Variants in FAM117A observed in about 807,000 individuals in gnomAD.
FAM117A encodes protein FAM117A.
In FAM117A, 21 loss-of-function variants were observed where a neutral mutation model predicts 44.1. The ratio of observed to expected loss-of-function variants is 0.48; its 90% CI spans 0.34 to 0.69. FAM117A has a LOEUF of 0.69. FAM117A is among the 30% of genes least tolerant of loss of function. The pLI is 0.01. For synonymous variants in FAM117A, 220 were observed against 238.3 expected, an observed-to-expected ratio of 0.92 and a Z score of 0.71; for missense variants, 498 against 589.9, an observed-to-expected ratio of 0.84 and a Z score of 1.61.
At chr17:49,760,782 G>A (rs543863226) in intron 1 of FAM117A, among the ~76,000 whole-genome samples, 83 of 152,310 alleles carry the variant, frequency 5.4e-4, no homozygotes, top group African/African-American at 1.9e-3. Flanking sequence ...CATGGTCCTG[G>A]AAGAGTATAA....
At chr17:49,788,812 C>A (rs187579044), upstream of FAM117A, 49 of 1,580,668 alleles carry the variant, frequency 3.1e-5, no homozygotes, top group Non-Finnish European at 4.1e-5. Context: ...CGAATCGGAA[C>A]CGTCGGGCCG....
At chr17:49,764,207 T>C (rs538287929), upstream of FAM117A, 23 of 483,472 alleles carry the variant, frequency 4.8e-5, no homozygotes, top group South Asian at 1.5e-3. Flanking sequence ...AGAGCTGTCA[T>C]TGGACTGCGG....
At position 49,735,495 on chromosome 17, in the gene FAM117A, G is replaced by A. The variant is rs139027709; in HGVS notation, c.197-2775C>T. Among the ~76,000 whole-genome samples, 143 of 152,162 alleles carry A rather than the reference G, an allele frequency of 9.4e-4. 1 individual carries two copies. Among genetic ancestry groups the A allele is most frequent in the African/African-American group, 3.3e-3 (137 of 41,536 alleles). On this transcript the variant is annotated intron_variant, in intron 1 of 7. Transcript: ENST00000240364. ...ATCAGTAGGAAATATGCTATATTAT[G>A]TTCTGCTTGGTTCCACCTATTTCAT... is the stretch of plus-strand genomic sequence containing the variant.
chr17:49,785,427 G>A (rs540151295), intron 1 of FAM117A, among the ~76,000 whole-genome samples: 1 of 152,244 alleles, frequency 6.6e-6, no homozygotes, highest in East Asian at 1.9e-4. Context: ...TGGGAGGATC[G>A]CTTGGCCCAG....
intron 1 of FAM117A, among the ~76,000 whole-genome samples, chr17:49,769,735 A>T (rs1032964955): frequency 6.6e-6 from 1 of 151,266 alleles, no homozygotes; most frequent in African/African-American, 2.4e-5. Context: ...AATAAATAAT[A>T]AATAAAACTC....
intron 1 of FAM117A, among the ~76,000 whole-genome samples, chr17:49,778,289 T>C (rs542502051): frequency 9.1e-4 from 138 of 152,334 alleles, no homozygotes; most frequent in African/African-American, 3.3e-3. Flanking sequence ...TGAGTCCCTA[T>C]TAAGTGCCAG....
upstream of FAM117A, among the ~76,000 whole-genome samples, chr17:49,766,507 T>G (rs2073746281): frequency 6.6e-6 from 1 of 152,242 alleles, no homozygotes; most frequent in Admixed American, 6.5e-5. Context: ...CTTGGTCTTT[T>G]GACTCCAGAT....
rs368699234 is a variant in FAM117A at position 49,711,362 on chromosome 17, G to T, written c.1255C>A (p.Arg419=). ...GCCTTGGAGGCTTCCGGATCCTTCC[G>T]AGGTGGTGGCCTGGGGCTGGCCGGG... ...LPPASPRPPP[R]KDPEASKASP... is the part of the protein sequence containing the mutation. The change falls in exon 8 of 8, where the codon CGG becomes AGG. Residue 419 remains arginine (R), a synonymous_variant. Coordinates refer to ENST00000240364, the MANE Select transcript of FAM117A (RefSeq NM_030802.4). 1 of 1,610,810 alleles carries T rather than the reference G, an allele frequency of 6.2e-7. No homozygotes were observed.
intron 1 of FAM117A, among the ~76,000 whole-genome samples, chr17:49,734,245 A>G (rs1175526434): frequency 6.6e-6 from 1 of 152,114 alleles, no homozygotes; most frequent in African/African-American, 2.4e-5. Context: ...TATTTAGCAC[A>G]GCAAAAAGAA....
intron 1 of FAM117A, among the ~76,000 whole-genome samples, chr17:49,775,105 C>T (rs978450816): frequency 2.6e-5 from 4 of 152,164 alleles, no homozygotes; most frequent in African/African-American, 9.7e-5. Context: ...TCTCCTGCCT[C>T]AGCTCCTGAG....
At chr17:49,717,903 C>T (rs1010370664) in intron 5 of FAM117A, 189 bp from the exon 6 acceptor site, 2 of 535,030 alleles carry the variant, frequency 3.7e-6, no homozygotes, top group Non-Finnish European at 3.3e-6. Flanking sequence ...CCTCCTGTTT[C>T]TTCCATAGCA....
At chr17:49,776,896 A>T (rs1427426539) in intron 1 of FAM117A, among the ~76,000 whole-genome samples, 8 of 152,218 alleles carry the variant, frequency 5.3e-5, no homozygotes, top group Non-Finnish European at 1.0e-4. Context: ...GTAAGAATCC[A>T]TGCAGGACCA....
chr17:49,783,129 A>G (rs2073794781), intron 1 of FAM117A, among the ~76,000 whole-genome samples: 1 of 152,220 alleles, frequency 6.6e-6, no homozygotes, highest in Non-Finnish European at 1.5e-5. Context: ...AACCCAGGAG[A>G]GACAGTCTGT....
upstream of FAM117A, among the ~76,000 whole-genome samples, chr17:49,767,007 G>A (rs2073747565): frequency 6.6e-6 from 1 of 152,204 alleles, no homozygotes; most frequent in Non-Finnish European, 1.5e-5. Flanking sequence ...AGTCCAGAAA[G>A]TCATGGTCTT....
intron 1 of FAM117A, among the ~76,000 whole-genome samples, chr17:49,777,210 G>A (rs2073777737): frequency 1.3e-5 from 2 of 152,184 alleles, no homozygotes. Flanking sequence ...CAGGGTAGGG[G>A]TGGGGGAATA....
At chr17:49,749,470 G>A (rs1355432688) in intron 1 of FAM117A, among the ~76,000 whole-genome samples, 1 of 149,116 alleles carries the variant, frequency 6.7e-6, no homozygotes, top group Non-Finnish European at 1.5e-5. Flanking sequence ...CCAGCTACTC[G>A]AGAGGCTGAG....
At chr17:49,787,350 A>C (rs1225687985) in intron 1 of FAM117A, among the ~76,000 whole-genome samples, 2 of 152,204 alleles carry the variant, frequency 1.3e-5, no homozygotes, top group Non-Finnish European at 2.9e-5. Context: ...GTTCAACCTA[A>C]GTAGGTTATC....
At chr17:49,719,692 C>T in intron 5 of FAM117A, 68 bp downstream of exon 5, 3 of 1,474,220 alleles carry the variant, frequency 2.0e-6, no homozygotes, top group Middle Eastern at 2.2e-4. Flanking sequence ...GCAGGACTCC[C>T]AGTTCCCCTC....
At chr17:49,746,302 T>G (rs2073654155) in intron 1 of FAM117A, among the ~76,000 whole-genome samples, 1 of 151,492 alleles carries the variant, frequency 6.6e-6, no homozygotes, top group African/African-American at 2.4e-5. Flanking sequence ...AATAAAGTTG[T>G]AAGAAAAAAA....
Sources: gnomAD v4.1 joint callset for allele counts (sites outside exome capture counted in the v4.1 genomes callset) on GRCh38, gnomAD v4.1.1 for gene constraint, MANE v1.5 for transcripts, NCBI Gene and HGNC (gene_info 2026-07-23, HGNC 2026-07-21) for gene names.